IGDCC3: variants seen among roughly 807,000 people sequenced by gnomAD.
IGDCC3 encodes the protein putative neuronal cell adhesion molecule.
Under a neutral mutation model 72.0 loss-of-function variants are expected in IGDCC3, and 47 were observed. The ratio of observed to expected loss-of-function variants is 0.65; its 90% CI spans 0.52 to 0.83. IGDCC3 has a LOEUF of 0.83. Ranked by LOEUF, IGDCC3 falls within the 40% of genes least tolerant of loss-of-function variation. The pLI is 0.00. For missense variants in IGDCC3, 1,038 were observed against 1,091.3 expected (o/e 0.95, Z 0.69); for synonymous variants, 477 against 472.8 (o/e 1.01, Z -0.11).
At position 65,374,972 on chromosome 15, in the gene IGDCC3, T is replaced by C. The variant is rs2091349226; in HGVS notation, c.409+125A>G. On this transcript the variant is annotated intron_variant, in intron 2 of 13. Transcript: ENST00000327987. Reference sequence around the variant, plus strand: ...TGCCAGGCACCTCAAAACCGACCCATGCTGAGAAATTAGTCCTCCAGAAGG... The same window carrying C: ...TGCCAGGCACCTCAAAACCGACCCACGCTGAGAAATTAGTCCTCCAGAAGG... 3.8e-6 allele frequency: 3 copies of C among 780,530 alleles called. No homozygotes were observed. The South Asian group carries it at 5.3e-5, about 14-fold the overall frequency. The allele number at this position is 780,530 out of a possible 1,614,324, so 48.4% of individuals were successfully genotyped here.
intron 6 of IGDCC3, among the ~76,000 whole-genome samples, chr15:65,332,458 C>T (rs887101764): frequency 1.3e-5 from 2 of 152,170 alleles, no homozygotes; most frequent in African/African-American, 4.8e-5. Context: ...CTCCAGAAAG[C>T]GGTAATGATG....
intron 2 of IGDCC3, among the ~76,000 whole-genome samples, chr15:65,338,206 A>C (rs1255142717): frequency 1.3e-5 from 2 of 152,178 alleles, no homozygotes; most frequent in East Asian, 3.8e-4. Context: ...CCCTGGATGC[A>C]CTTAAGCCCA....
At chr15:65,335,528 T>A (rs2091020609) in intron 3 of IGDCC3, 107 bp from the exon 4 acceptor site, 3 of 1,163,242 alleles carry the variant, frequency 2.6e-6, no homozygotes, top group Non-Finnish European at 3.7e-6. Context: ...CACTGCACCA[T>A]CCCAACATCA....
At chr15:65,355,556 G>A (rs969483031) in intron 2 of IGDCC3, among the ~76,000 whole-genome samples, 2 of 149,524 alleles carry the variant, frequency 1.3e-5, no homozygotes, top group South Asian at 2.1e-4. Flanking sequence ...GGCCGGGCCC[G>A]AGGCGGGGGC....
rs535654602 is a variant in IGDCC3 at position 65,333,730 on chromosome 15, G to A, written c.824-315C>T. On this transcript the variant is annotated intron_variant, in intron 5 of 13. Transcript: ENST00000327987. The stretch of plus-strand genomic sequence containing the variant: ...TCTTAGATTGACGTTTCCCAGCCTG[G>A]TTTGTCTCTCTGGATCCATGGTCAA... Among the ~76,000 whole-genome samples, 6 of 152,304 alleles carry A rather than the reference G, an allele frequency of 3.9e-5. No homozygotes were observed. In the South Asian group the frequency reaches 1.2e-3, roughly 32 times the overall value.
chr15:65,362,846 A>ATTTTT (rs869239198), intron 2 of IGDCC3, among the ~76,000 whole-genome samples: 4 of 85,726 alleles, frequency 4.7e-5, no homozygotes, highest in Non-Finnish European at 6.8e-5. Context: ...AGGTTTGGGG[A>ATTTTT]TTTTTTTTTT....
chr15:65,374,665 T>C (rs1397128588), intron 2 of IGDCC3, among the ~76,000 whole-genome samples: 1 of 152,248 alleles, frequency 6.6e-6, no homozygotes, highest in African/African-American at 2.4e-5. Context: ...TACATTAGTT[T>C]AAGCACATAA....
chr15:65,331,758 A>T, intron 7 of IGDCC3, 99 bp from the exon 8 acceptor site: 3 of 1,451,150 alleles, frequency 2.1e-6, no homozygotes, highest in Non-Finnish European at 2.8e-6. Context: ...CCAGGAGACA[A>T]ACGACTTGTG....
rs749648951 is a variant in IGDCC3, at chr15:65,334,828, G to A, written c.723C>T (p.Leu241=). 25 of 1,613,222 alleles carry A rather than the reference G, an allele frequency of 1.5e-5. No homozygotes were observed. Among genetic ancestry groups the A allele is most frequent in the South Asian group, 1.2e-4 (11 of 90,926 alleles). The stretch of plus-strand genomic sequence containing the variant: ...TCAGGGTGAGGTTCTCAGGCCCCAC[G>A]AGGATGGCTGGCTCCTTGTAGGCCC... ...GSGAYKEPAI[L]VGPENLTLTV... Residue 241 remains leucine (L), a synonymous_variant, in exon 5 of 14, where the codon CTC becomes CTT. Coordinates refer to ENST00000327987, the MANE Select transcript of IGDCC3 (RefSeq NM_004884.4).
At chr15:65,354,315 G>C (rs1365798484) in intron 2 of IGDCC3, among the ~76,000 whole-genome samples, 1 of 152,156 alleles carries the variant, frequency 6.6e-6, no homozygotes, top group Admixed American at 6.5e-5. Context: ...TCCCTGTCTT[G>C]TAACACATCC....
rs144603202 is a variant in IGDCC3, at chr15:65,348,349, T to C, written c.410-12393A>G. Among the ~76,000 whole-genome samples, 716 of 152,296 alleles carry C rather than the reference T, an allele frequency of 4.7e-3. 6 individuals are homozygous for C. Among genetic ancestry groups the C allele is most frequent in the African/African-American group, 0.017 (687 of 41,550 alleles). On this transcript the variant is annotated intron_variant, in intron 2 of 13. Coordinates refer to ENST00000327987, the MANE Select transcript of IGDCC3 (RefSeq NM_004884.4). Reference sequence around the variant, plus strand: ...GAGATCCAAGAACCCTCTCTTGGGGTCTGAATTGGGACCTCTGTCCTGTAA... The same window carrying C: ...GAGATCCAAGAACCCTCTCTTGGGGCCTGAATTGGGACCTCTGTCCTGTAA...
intron 2 of IGDCC3, among the ~76,000 whole-genome samples, chr15:65,372,150 G>C (rs923533348): frequency 6.6e-6 from 1 of 152,170 alleles, no homozygotes; most frequent in Non-Finnish European, 1.5e-5. Flanking sequence ...GAGGAGTGCG[G>C]TGCCGGCTCC....
chr15:65,376,059 T>A (rs993694352), intron 1 of IGDCC3, among the ~76,000 whole-genome samples: 10 of 152,194 alleles, frequency 6.6e-5, no homozygotes, highest in Non-Finnish European at 1.2e-4. Context: ...GGGTGTGTGG[T>A]CCCAGTACCC....
chr15:65,355,587 G>T (rs1185148381), intron 2 of IGDCC3: 1 of 161,664 alleles, frequency 6.2e-6, no homozygotes, highest in South Asian at 1.2e-4. Flanking sequence ...AGCCGACCGG[G>T]CCGCGCGCCG....
At chr15:65,344,948 T>A (rs2140150083) in intron 2 of IGDCC3, among the ~76,000 whole-genome samples, 1 of 152,242 alleles carries the variant, frequency 6.6e-6, no homozygotes, top group Admixed American at 6.5e-5. Context: ...GAAAAGCATC[T>A]CCTGCTCCAT....
At chr15:65,334,200 TCAGA>T (rs936470209) in intron 5 of IGDCC3, among the ~76,000 whole-genome samples, 1 of 151,790 alleles carries the variant, frequency 6.6e-6, no homozygotes, top group African/African-American at 2.4e-5. Context: ...ACCTTTCTGC[TCAGA>T]CAATGTGGGC....
intron 2 of IGDCC3, among the ~76,000 whole-genome samples, chr15:65,365,489 C>T (rs1414931523): frequency 1.3e-5 from 2 of 152,156 alleles, no homozygotes; most frequent in Non-Finnish European, 2.9e-5. Context: ...GCCCCCACCA[C>T]CCACTGTGGT....
intron 2 of IGDCC3, chr15:65,356,006 G>A (rs1267589101): frequency 3.6e-6 from 1 of 276,352 alleles, no homozygotes; most frequent in Non-Finnish European, 7.5e-6. Context: ...GCGGCCCCCG[G>A]ACTCGCCCTC....
Position 65,329,346 on chromosome 15 carries a change from G to A in IGDCC3, c.2205+44C>T. 1 of 1,552,074 alleles carries A rather than the reference G, an allele frequency of 6.4e-7. No individual in the cohort carries two copies. Among genetic ancestry groups the A allele is most frequent in the Non-Finnish European group, 8.7e-7 (1 of 1,147,252 alleles). ...GGGGGCAGGATTGGAAGGTGGCAGT[G>A]TCAGAGCCTGAGGCGGGGGTTTGTT... On this transcript the variant is annotated intron_variant, in intron 13 of 13. Transcript: ENST00000327987. The surrounding 1 kb of genome is among the most constrained non-coding windows in gnomAD (Gnocchi z 4.1).
Sources: allele counts gnomAD v4.1 joint callset (sites outside exome capture counted in the v4.1 genomes callset), GRCh38; gene constraint gnomAD v4.1.1; non-coding constraint Gnocchi (gnomAD v3.1); transcripts MANE v1.5; gene names NCBI Gene and HGNC (gene_info 2026-07-23, HGNC 2026-07-21).